ZMIZ1: variants seen among roughly 807,000 people sequenced by gnomAD.
ZMIZ1 encodes the protein zinc finger MIZ-type containing 1.
ZMIZ1 carries 17 observed loss-of-function variants against 113.9 expected under a neutral mutation model. The ratio of observed to expected loss-of-function variants is 0.15; its 90% CI spans 0.10 to 0.22. The LOEUF is 0.22. Ranked by LOEUF, ZMIZ1 falls within the 10% of genes least tolerant of loss-of-function variation. The probability of loss-of-function intolerance (pLI) is 1.00; values close to 1 mark genes in which losing one functional copy is unlikely to be tolerated. For missense variants in ZMIZ1, 1,059 were observed against 1,477.8 expected (o/e 0.72, Z 4.65); for synonymous variants, 607 against 603.1 (o/e 1.01, Z -0.09).
At chr10:79,195,370 G>T (rs1178450195) in intron 4 of ZMIZ1, among the ~76,000 whole-genome samples, 1 of 152,220 alleles carries the variant, frequency 6.6e-6, no homozygotes, top group East Asian at 1.9e-4. Context: ...CATGGCGGGG[G>T]TCCTGAGCCG....
At chr10:79,190,425 T>C (rs1257788757) in intron 4 of ZMIZ1, among the ~76,000 whole-genome samples, 5 of 152,232 alleles carry the variant, frequency 3.3e-5, no homozygotes, top group African/African-American at 7.2e-5. Flanking sequence ...CATCTGTAAA[T>C]GTTAGGATAG....
intron 6 of ZMIZ1, among the ~76,000 whole-genome samples, chr10:79,214,110 CT>C (rs1848626902): frequency 6.6e-6 from 1 of 152,160 alleles, no homozygotes; most frequent in South Asian, 2.1e-4. Context: ...CAGAATCTTC[CT>C]CCTCACTCTC....
rs748377628 is a variant in ZMIZ1, at chr10:79,299,023, C to T, written c.1667-27C>T. 6 of 1,586,344 alleles carry T rather than the reference C, an allele frequency of 3.8e-6. No homozygotes were observed. In the Admixed American group the frequency reaches 8.5e-5, roughly 23 times the overall value. On this transcript the variant is annotated intron_variant, in intron 15 of 24. Transcript: ENST00000334512. The stretch of plus-strand genomic sequence containing the variant: ...AACCCATGGCAGCTGAGGCTTGTGG[C>T]TCACCCACCTCCTCTCCTCGCCCCA...
chr10:79,244,333 T>TG, intron 7 of ZMIZ1, among the ~76,000 whole-genome samples: 1 of 152,338 alleles, frequency 6.6e-6, no homozygotes, highest in Non-Finnish European at 1.5e-5. Context: ...TTTCAGGAGA[T>TG]GCCTGGTTGT....
intron 3 of ZMIZ1, among the ~76,000 whole-genome samples, chr10:79,161,578 G>A (rs1846116521): frequency 6.6e-6 from 1 of 152,126 alleles, no homozygotes; most frequent in African/African-American, 2.4e-5. Context: ...AGGCCACCTG[G>A]GACCTTGAGT....
rs766859744 is a variant in ZMIZ1, at chr10:79,293,644, C to T, written c.1221C>T (p.Tyr407=). 8 of 1,613,020 alleles carry T rather than the reference C, an allele frequency of 5.0e-6. No homozygotes were observed. The East Asian group carries it at 1.8e-4, about 36-fold the overall frequency. ...CTATTCAGAACATAAAGAGGCCATA[C>T]CCTGGAGAGGTGAGTGCAGCAGTGG... The part of the protein sequence containing the change: ...SLPIQNIKRP[Y]PGEPNYGNQQ... Residue 407 remains tyrosine, a synonymous_variant, in exon 12 of 25, where the codon TAC becomes TAT. Transcript: ENST00000334512.
intron 4 of ZMIZ1, among the ~76,000 whole-genome samples, chr10:79,179,195 C>T (rs946387826): frequency 3.9e-5 from 6 of 152,216 alleles, no homozygotes; most frequent in Non-Finnish European, 7.3e-5. Context: ...TTACTGGTAG[C>T]AACAGGTAAA....
chr10:79,094,847 G>A (rs1335443191), intron 1 of ZMIZ1, among the ~76,000 whole-genome samples: 2 of 152,304 alleles, frequency 1.3e-5, no homozygotes, highest in African/African-American at 2.4e-5. Context: ...TACTGGGGAG[G>A]CTGAGATGAG....
intron 1 of ZMIZ1, among the ~76,000 whole-genome samples, chr10:79,071,601 G>T (rs904654322): frequency 6.6e-6 from 1 of 152,144 alleles, no homozygotes; most frequent in African/African-American, 2.4e-5. Flanking sequence ...GGTCCAGAGT[G>T]GGGGAAATTC....
At chr10:79,144,549 CT>C (rs1380586478) in intron 3 of ZMIZ1, among the ~76,000 whole-genome samples, 1 of 152,226 alleles carries the variant, frequency 6.6e-6, no homozygotes, top group South Asian at 2.1e-4. Flanking sequence ...AGGGATCCCC[CT>C]GGTCCCTGCC....
At chr10:79,072,687 C>T (rs577558107) in intron 1 of ZMIZ1, among the ~76,000 whole-genome samples, 3 of 152,338 alleles carry the variant, frequency 2.0e-5, no homozygotes, top group Non-Finnish European at 2.9e-5. Flanking sequence ...CCTGCTGGTT[C>T]GTGGCTGGGT....
At chr10:79,212,068 G>T (rs764744854) in intron 6 of ZMIZ1, among the ~76,000 whole-genome samples, 26 of 152,078 alleles carry the variant, frequency 1.7e-4, no homozygotes, top group Non-Finnish European at 3.5e-4. Context: ...CAGGCTGGAC[G>T]CTTTTCAAGA....
chr10:79,281,729 G>T (rs1852750339), intron 8 of ZMIZ1, among the ~76,000 whole-genome samples: 1 of 152,254 alleles, frequency 6.6e-6, no homozygotes, highest in Non-Finnish European at 1.5e-5. Context: ...CCTCGTGGGA[G>T]CACAGGGAGG....
intron 7 of ZMIZ1, among the ~76,000 whole-genome samples, chr10:79,245,396 T>G (rs1589477706): frequency 6.6e-6 from 1 of 152,204 alleles, no homozygotes; most frequent in East Asian, 1.9e-4. Context: ...ACCACGTGTT[T>G]CTCATCACCG....
At chr10:79,141,990 C>G (rs1845292729) in intron 3 of ZMIZ1, among the ~76,000 whole-genome samples, 1 of 152,112 alleles carries the variant, frequency 6.6e-6, no homozygotes, top group South Asian at 2.1e-4. Flanking sequence ...CCATCAAAGG[C>G]TGAATATATT....
At chr10:79,183,098 G>C (rs703981) in intron 4 of ZMIZ1, among the ~76,000 whole-genome samples, 58,739 of 152,050 alleles carry the variant, frequency 0.39, 12,196 homozygotes, top group Non-Finnish European at 0.46. Context: ...GGAGTGGACT[G>C]GCCAGACTGC....
chr10:79,243,055 G>A (rs1379149270), intron 7 of ZMIZ1, among the ~76,000 whole-genome samples: 1 of 151,470 alleles, frequency 6.6e-6, no homozygotes, highest in Non-Finnish European at 1.5e-5. Flanking sequence ...GGGGCTCCCT[G>A]GAGACGCCAA....
intron 5 of ZMIZ1, among the ~76,000 whole-genome samples, chr10:79,206,003 G>T (rs957935043): frequency 1.3e-5 from 2 of 151,960 alleles, no homozygotes; most frequent in African/African-American, 4.8e-5. Context: ...AGCTACTTGG[G>T]AAGCTGAAGT....
chr10:79,099,507 C>G (rs10762846), intron 1 of ZMIZ1, among the ~76,000 whole-genome samples: 69,664 of 152,094 alleles, frequency 0.46, 16,493 homozygotes, highest in Non-Finnish European at 0.52. Flanking sequence ...GTTAGACTGG[C>G]GTGTGGAAGA....
Sources: allele counts gnomAD v4.1 joint callset (sites outside exome capture counted in the v4.1 genomes callset), GRCh38; gene constraint gnomAD v4.1.1; transcripts MANE v1.5; gene names NCBI Gene and HGNC (gene_info 2026-07-23, HGNC 2026-07-21).